THSD4: variants seen among roughly 807,000 people sequenced by gnomAD.
THSD4 encodes thrombospondin type-1 domain-containing protein 4.
THSD4 carries 69 observed loss-of-function variants against 119.0 expected under a neutral mutation model. The observed-to-expected ratio is 0.58, with a 90% CI of 0.48 to 0.71. The LOEUF is 0.71. Ranked by LOEUF, THSD4 falls within the 30% of genes least tolerant of loss-of-function variation. THSD4 has a pLI of 0.00. For synonymous variants in THSD4, 524 were observed against 540.4 expected (o/e 0.97, Z 0.42); for missense variants, 1,393 against 1,391.1 (o/e 1.00, Z -0.02).
intron 1 of THSD4, among the ~76,000 whole-genome samples, chr15:71,097,613 T>C (rs1393900427): frequency 6.6e-6 from 1 of 151,168 alleles, no homozygotes; most frequent in African/African-American, 2.4e-5. Context: ...AGAAGCCTCT[T>C]TATTGAGGGG....
At position 71,773,251 on chromosome 15, in the gene THSD4, C is replaced by T. The variant is rs868601307; in HGVS notation, c.2914+2043C>T. ...AAAGAAAAGAAAAAAAAGTTATACA[C>T]ATAAAGCTGCCTGTTTGTCTCAGGC... is the stretch of plus-strand genomic sequence containing the variant. On this transcript the variant is annotated intron_variant, in intron 17 of 17. Coordinates refer to ENST00000261862, the MANE Select transcript of THSD4 (RefSeq NM_024817.3). 1.8e-4 allele frequency among the ~76,000 whole-genome samples: 26 copies of T among 146,644 alleles called. 1 individual carries two copies. Among genetic ancestry groups the T allele is most frequent in the Admixed American group, 1.0e-3 (15 of 14,780 alleles).
chr15:71,649,449 A>AT (rs1341663452), intron 7 of THSD4, among the ~76,000 whole-genome samples: 1 of 151,584 alleles, frequency 6.6e-6, no homozygotes. Context: ...TAATTTTTGT[A>AT]TTTTTTTAGT....
At chr15:71,097,847 T>G (rs1226716264) in intron 1 of THSD4, among the ~76,000 whole-genome samples, 7 of 152,016 alleles carry the variant, frequency 4.6e-5, no homozygotes, top group African/African-American at 1.7e-4. Context: ...CACTGTCGTG[T>G]GTTTTAATGA....
chr15:71,478,867 A>G (rs1010768924), intron 7 of THSD4, among the ~76,000 whole-genome samples: 1 of 152,206 alleles, frequency 6.6e-6, no homozygotes, highest in African/African-American at 2.4e-5. Context: ...CTAATGGGCC[A>G]TTAGAAAAGG....
intron 6 of THSD4, among the ~76,000 whole-genome samples, chr15:71,257,205 A>G (rs1056803638): frequency 5.3e-5 from 8 of 152,194 alleles, no homozygotes; most frequent in African/African-American, 1.9e-4. Context: ...CGTGAGTACA[A>G]GATCCCCGTC....
intron 6 of THSD4, among the ~76,000 whole-genome samples, chr15:71,351,432 C>T (rs1203695504): frequency 2.0e-5 from 3 of 152,144 alleles, no homozygotes; most frequent in Admixed American, 6.5e-5. Flanking sequence ...AGACCCTTAA[C>T]CAACATTGCT....
At chr15:71,322,769 C>A (rs531553957) in intron 6 of THSD4, among the ~76,000 whole-genome samples, 1 of 152,122 alleles carries the variant, frequency 6.6e-6, no homozygotes, top group Non-Finnish European at 1.5e-5. Flanking sequence ...CCTCCTGACA[C>A]GGTGACTGGC....
intron 14 of THSD4, among the ~76,000 whole-genome samples, chr15:71,749,499 T>C (rs969289267): frequency 8.5e-5 from 13 of 152,130 alleles, no homozygotes; most frequent in Admixed American, 6.5e-4. Context: ...GAGGACATGA[T>C]TGGCTATCTC....
chr15:71,240,791 ATG>A lies in THSD4; in HGVS notation c.465-1854_465-1853del. 2.2e-5 allele frequency among the ~76,000 whole-genome samples: 3 copies of A among 138,606 alleles called. No individual in the cohort carries two copies. The Admixed American group carries it at 2.4e-4, about 11-fold the overall frequency. The allele number at this position is 138,606 out of a possible 152,430, so 90.9% of individuals were successfully genotyped here. A position where few individuals can be genotyped will look rare whatever the true frequency, so the allele number is the denominator to read the frequency against. ...CAAATTATATCCAAGTTTTATATAT[ATG>A]TGTATACACACACACACACACACAC... is the stretch of plus-strand genomic sequence containing the variant. On this transcript the variant is annotated intron_variant, in intron 4 of 17. Coordinates refer to ENST00000261862, the MANE Select transcript of THSD4 (RefSeq NM_024817.3).
At chr15:71,680,797 A>G (rs1038328845) in intron 8 of THSD4, among the ~76,000 whole-genome samples, 4 of 152,222 alleles carry the variant, frequency 2.6e-5, no homozygotes, top group Non-Finnish European at 5.9e-5. Context: ...ATGAATTGAC[A>G]ATAATATTTA....
intron 7 of THSD4, among the ~76,000 whole-genome samples, chr15:71,476,738 A>T (rs1039466260): frequency 6.6e-6 from 1 of 152,242 alleles, no homozygotes; most frequent in Non-Finnish European, 1.5e-5. Context: ...CGGAATCATT[A>T]CCAAACTCTC....
rs2046785563 is a variant in THSD4, at chr15:71,419,202, CT to C, written c.1152+7384del. On this transcript the variant is annotated intron_variant, in intron 7 of 17. Transcript: ENST00000261862. Reference sequence around the variant, plus strand: ...TTTATTATTTCTTTTCTTTTCTTTTCTTTTTCTTTTTCTTTTTTTTTAGACA... The same window carrying C: ...TTTATTATTTCTTTTCTTTTCTTTTCTTTTCTTTTTCTTTTTTTTTAGACA... Among the ~76,000 whole-genome samples, 5 of 13,350 alleles carry C rather than the reference CT, an allele frequency of 3.7e-4. 2 individuals are homozygous for C. Among genetic ancestry groups the C allele is most frequent in the South Asian group, 7.4e-3 (1 of 136 alleles). The allele number at this position is 13,350 out of a possible 152,430, so 8.8% of individuals were successfully genotyped here. A position where few individuals can be genotyped will look rare whatever the true frequency, so the allele number is the denominator to read the frequency against.
At chr15:71,629,532 C>T (rs970876529) in intron 7 of THSD4, among the ~76,000 whole-genome samples, 11 of 152,176 alleles carry the variant, frequency 7.2e-5, no homozygotes, top group Admixed American at 1.3e-4. Context: ...CCAGCTAAAG[C>T]GTCCTCCTCA....
chr15:71,671,577 G>T (rs1186919969), intron 8 of THSD4, among the ~76,000 whole-genome samples: 1 of 152,308 alleles, frequency 6.6e-6, no homozygotes, highest in African/African-American at 2.4e-5. Flanking sequence ...GTCCTGAATT[G>T]TATTGCCTAG....
chr15:71,406,643 GGTGTGT>G (rs56347233), intron 6 of THSD4, among the ~76,000 whole-genome samples: 5,428 of 126,174 alleles, frequency 0.043, 129 homozygotes, highest in East Asian at 0.064. Context: ...AGGTTTGTTT[GGTGTGT>G]GTGTGTGTGT....
At chr15:71,146,140 A>G (rs763324914) in intron 2 of THSD4, among the ~76,000 whole-genome samples, 5 of 152,356 alleles carry the variant, frequency 3.3e-5, no homozygotes, top group Middle Eastern at 3.4e-3. Context: ...AAGCATGGAA[A>G]TCAAACAAAT....
intron 3 of THSD4, among the ~76,000 whole-genome samples, chr15:71,172,927 C>G (rs1366676904): frequency 2.6e-5 from 4 of 151,190 alleles, no homozygotes; most frequent in African/African-American, 9.7e-5. Flanking sequence ...TAAGAAAAAC[C>G]TACGGTGAAC....
At chr15:71,719,012 TACA>T (rs1255625397) in intron 8 of THSD4, among the ~76,000 whole-genome samples, 2 of 152,254 alleles carry the variant, frequency 1.3e-5, no homozygotes, top group African/African-American at 4.8e-5. Flanking sequence ...ATCAATTTCA[TACA>T]ACATTATTTG....
chr15:71,645,969 G>T (rs2050960964), intron 7 of THSD4, among the ~76,000 whole-genome samples: 1 of 152,182 alleles, frequency 6.6e-6, no homozygotes, highest in Admixed American at 6.5e-5. Context: ...TTCAGTGGGT[G>T]CTCTGCACTT....
Sources: gnomAD v4.1 joint callset for allele counts (sites outside exome capture counted in the v4.1 genomes callset) on GRCh38, gnomAD v4.1.1 for gene constraint, MANE v1.5 for transcripts, NCBI Gene and HGNC (gene_info 2026-07-23, HGNC 2026-07-21) for gene names.